QTMAN: variants seen among roughly 807,000 people sequenced by gnomAD.
The protein encoded by QTMAN is tRNA-queuosine alpha-mannosyltransferase.
At chr2:144,007,479 T>C in the QTMAN span, 9 of 1,611,464 alleles carry the variant, frequency 5.6e-6, no homozygotes, top group African/African-American at 2.7e-5. Context: ...CGCACCGCCA[T>C]TTCCTTTAAG....
the QTMAN span, among the ~76,000 whole-genome samples, chr2:144,133,452 ATATAATATATAT>A: frequency 4.7e-4 from 21 of 44,350 alleles, no homozygotes; most frequent in African/African-American, 2.0e-3. Flanking sequence ...AATATATAAT[ATATAATATATAT>A]TATATATTAT....
At chr2:144,144,135 G>A in the QTMAN span, among the ~76,000 whole-genome samples, 1 of 151,892 alleles carries the variant, frequency 6.6e-6, no homozygotes, top group Admixed American at 6.6e-5. Flanking sequence ...AACTTTTATA[G>A]TCTCATTCCC....
the QTMAN span, among the ~76,000 whole-genome samples, chr2:144,188,546 GA>G: frequency 6.6e-6 from 1 of 150,968 alleles, no homozygotes; most frequent in South Asian, 2.1e-4. Flanking sequence ...TGGATGGATG[GA>G]TGGACTGATG....
chr2:144,193,795 G>A, the QTMAN span, among the ~76,000 whole-genome samples: 3 of 152,060 alleles, frequency 2.0e-5, no homozygotes, highest in South Asian at 2.1e-4. Flanking sequence ...CCAAAACACT[G>A]TTATTAGAGA....
At chr2:144,182,407 G>A in the QTMAN span, among the ~76,000 whole-genome samples, 31 of 151,940 alleles carry the variant, frequency 2.0e-4, no homozygotes, top group Non-Finnish European at 3.2e-4. Context: ...TTGGGAGGCC[G>A]AAGTGTGTGG....
At chr2:144,258,323 A>G in the QTMAN span, among the ~76,000 whole-genome samples, 1 of 152,100 alleles carries the variant, frequency 6.6e-6, no homozygotes, top group Non-Finnish European at 1.5e-5. Context: ...GAAAGGAAAT[A>G]CTAACAAAAG....
the QTMAN span, among the ~76,000 whole-genome samples, chr2:144,163,332 A>G: frequency 3.9e-5 from 6 of 152,126 alleles, no homozygotes; most frequent in Non-Finnish European, 7.4e-5. Flanking sequence ...TGTAATAGTA[A>G]GCATGCCTAT....
chr2:144,176,382 C>T, the QTMAN span, among the ~76,000 whole-genome samples: 1 of 151,886 alleles, frequency 6.6e-6, no homozygotes, highest in African/African-American at 2.4e-5. Flanking sequence ...AAAATATGTA[C>T]AGTTCAACTC....
chr2:144,103,916 C>A, the QTMAN span, among the ~76,000 whole-genome samples: 127 of 152,076 alleles, frequency 8.4e-4, no homozygotes, highest in African/African-American at 2.9e-3. Flanking sequence ...ATGGCAAAAC[C>A]CTGTCTCTAC....
the QTMAN span, among the ~76,000 whole-genome samples, chr2:144,103,198 T>C: frequency 1.3e-5 from 2 of 152,204 alleles, no homozygotes; most frequent in African/African-American, 4.8e-5. Context: ...CCATTGGACA[T>C]AACAGGTTTA....
the QTMAN span, among the ~76,000 whole-genome samples, chr2:144,193,437 ATT>A: frequency 1.3e-5 from 2 of 148,298 alleles, no homozygotes. Flanking sequence ...TATAATATAT[ATT>A]ATGTATATAT....
At chr2:144,003,203 T>C in the QTMAN span, among the ~76,000 whole-genome samples, 1 of 151,958 alleles carries the variant, frequency 6.6e-6, no homozygotes, top group Non-Finnish European at 1.5e-5. Flanking sequence ...GGTATCCCAA[T>C]AATTTTTAAG....
the QTMAN span, among the ~76,000 whole-genome samples, chr2:144,322,372 A>C: frequency 6.6e-6 from 1 of 152,236 alleles, no homozygotes; most frequent in African/African-American, 2.4e-5. Flanking sequence ...TTTATTTTAA[A>C]AACTTAGTAA....
the QTMAN span, among the ~76,000 whole-genome samples, chr2:144,131,217 T>C: frequency 1.3e-5 from 2 of 151,888 alleles, no homozygotes; most frequent in Non-Finnish European, 2.9e-5. Context: ...TGACTCAATA[T>C]ATACAACGTT....
At chr2:143,984,650 G>C in the QTMAN span, among the ~76,000 whole-genome samples, 1 of 152,150 alleles carries the variant, frequency 6.6e-6, no homozygotes, top group Non-Finnish European at 1.5e-5. Context: ...GGCTCACCCT[G>C]CTCCCTATCC....
the QTMAN span, among the ~76,000 whole-genome samples, chr2:144,028,806 G>T: frequency 2.0e-5 from 3 of 152,208 alleles, no homozygotes. Flanking sequence ...GTTTGCAAAA[G>T]AATGGCCCTT....
the QTMAN span, among the ~76,000 whole-genome samples, chr2:144,232,360 C>T: frequency 6.6e-6 from 1 of 151,978 alleles, no homozygotes; most frequent in Non-Finnish European, 1.5e-5. Flanking sequence ...AAAATAAATC[C>T]CCGCAAAAGA....
the QTMAN span, among the ~76,000 whole-genome samples, chr2:144,104,859 G>A: frequency 6.6e-6 from 1 of 152,222 alleles, no homozygotes; most frequent in Non-Finnish European, 1.5e-5. Flanking sequence ...GCACCCCCCA[G>A]TAGGGGCAGA....
At chr2:144,144,386 GT>G in the QTMAN span, among the ~76,000 whole-genome samples, 27 of 151,776 alleles carry the variant, frequency 1.8e-4, no homozygotes, top group African/African-American at 5.8e-4. Flanking sequence ...AATAGACTTA[GT>G]TTTTTTCCCA....
Sources: gnomAD v4.1 joint callset for allele counts (sites outside exome capture counted in the v4.1 genomes callset) on GRCh38, gnomAD v4.1.1 for gene constraint, MANE v1.5 for transcripts, NCBI Gene and HGNC (gene_info 2026-07-23, HGNC 2026-07-21) for gene names.